ECE1: variants seen among roughly 807,000 people sequenced by gnomAD.
The protein encoded by ECE1 is endothelin-converting enzyme 1.
A neutral mutation model predicts 98.6 loss-of-function variants in ECE1; 35 were observed. That is an observed-to-expected ratio of 0.35 (90% CI 0.27 to 0.47). The LOEUF (loss-of-function observed/expected upper bound fraction) is 0.47, where lower values mean the gene tolerates loss of function less well. ECE1 is among the 20% of genes least tolerant of loss of function. ECE1 has a pLI of 1.00. For synonymous variants in ECE1, 394 were observed against 407.1 expected (o/e 0.97, Z 0.39); for missense variants, 814 against 1,025.3 (o/e 0.79, Z 2.81).
intron 1 of ECE1, among the ~76,000 whole-genome samples, chr1:21,305,982 T>C (rs1638587216): frequency 6.6e-6 from 1 of 152,230 alleles, no homozygotes; most frequent in Admixed American, 6.5e-5. Flanking sequence ...GAGGGCTGGC[T>C]GGGCCCTGAG....
At chr1:21,295,548 T>C (rs1638333163) in intron 1 of ECE1, among the ~76,000 whole-genome samples, 1 of 152,254 alleles carries the variant, frequency 6.6e-6, no homozygotes, top group African/African-American at 2.4e-5. Flanking sequence ...CCTGAAAGTG[T>C]AAACTGCTTC....
At chr1:21,314,944 T>C (rs1239818736) in intron 1 of ECE1, among the ~76,000 whole-genome samples, 2 of 152,222 alleles carry the variant, frequency 1.3e-5, no homozygotes, top group Non-Finnish European at 2.9e-5. Flanking sequence ...AAAACCCAGA[T>C]GAAATGTCAT....
chr1:21,271,722 CA>C (rs1212297866), intron 4 of ECE1, among the ~76,000 whole-genome samples: 1 of 152,076 alleles, frequency 6.6e-6, no homozygotes, highest in Non-Finnish European at 1.5e-5. Context: ...ACTAAGGATA[CA>C]GCTGCAAACA....
chr1:21,303,117 C>T (rs1329832091), intron 1 of ECE1, among the ~76,000 whole-genome samples: 1 of 152,232 alleles, frequency 6.6e-6, no homozygotes, highest in Non-Finnish European at 1.5e-5. Context: ...CTCCCTAAAA[C>T]TGGGCTCCAC....
In ECE1 at chr1:21,238,149, C is replaced by G; in HGVS notation, c.1374G>C (p.Glu458Asp). 1 of 1,614,232 alleles carries G rather than the reference C, an allele frequency of 6.2e-7. No homozygotes were observed. The highest frequency in any genetic ancestry group is 8.5e-7 in the Non-Finnish European group (1 of 1,180,032). Residue 458 changes from glutamate (E) to aspartate (D), a missense_variant, in exon 11 of 19, where the codon GAG (glutamate) becomes GAC (aspartate). Physicochemically the swap from Glu to Asp is conservative, Grantham distance 45 (BLOSUM62 2). Coordinates refer to ENST00000374893, the MANE Select transcript of ECE1 (RefSeq NM_001397.3). ...AGGCACTTACTATGCTCTTGCTGTCCTCGGCGAAGGTTGCTTTGACAAACA... is the reference window on the plus strand; with the variant it reads ...AGGCACTTACTATGCTCTTGCTGTCGTCGGCGAAGGTTGCTTTGACAAACA... ...GPMFVKATFA[E>D]DSKSIATEII...
chr1:21,222,630 T>C (rs1485587474), intron 17 of ECE1, among the ~76,000 whole-genome samples: 1 of 151,792 alleles, frequency 6.6e-6, no homozygotes, highest in Non-Finnish European at 1.5e-5. Context: ...CACCTGAGGT[T>C]AGGAGTTTGA....
In ECE1 at chr1:21,260,470, G is replaced by T; in HGVS notation, c.494-78C>A. 1 of 1,566,106 alleles carries T rather than the reference G, an allele frequency of 6.4e-7. No homozygotes were observed. ...GGCTTTGGGGCAGTCCCTCTTTTCG[G>T]AGCCTTGGTGTTCTCAGCTGCAAAG... On this transcript the variant is annotated intron_variant, in intron 4 of 18. Transcript: ENST00000374893. This position sits in a 1 kb window ranked among gnomAD's most constrained non-coding sequence, Gnocchi z 4.3.
At chr1:21,282,544 C>T (rs1569641967) in intron 2 of ECE1, among the ~76,000 whole-genome samples, 1 of 145,112 alleles carries the variant, frequency 6.9e-6, no homozygotes, top group Non-Finnish European at 1.5e-5. Flanking sequence ...GCAGAGATCA[C>T]GCCACTGCAC....
intron 9 of ECE1, among the ~76,000 whole-genome samples, chr1:21,245,742 T>C (rs2098202533): frequency 6.6e-6 from 1 of 152,154 alleles, no homozygotes. Flanking sequence ...GACGGAGTAC[T>C]ATGCAACCAT....
intron 17 of ECE1, among the ~76,000 whole-genome samples, chr1:21,223,755 T>C (rs2098170330): frequency 6.6e-6 from 1 of 151,702 alleles, no homozygotes; most frequent in African/African-American, 2.4e-5. Flanking sequence ...TGAGCCACCG[T>C]GCCCAGCCAT....
intron 4 of ECE1, among the ~76,000 whole-genome samples, chr1:21,262,839 C>A (rs1383928672): frequency 1.3e-5 from 2 of 152,244 alleles, no homozygotes; most frequent in African/African-American, 4.8e-5. Flanking sequence ...CACCTGGGTG[C>A]CACGCTCACT....
chr1:21,325,028 CAT>C (rs774062907), intron 1 of ECE1, among the ~76,000 whole-genome samples: 131 of 152,214 alleles, frequency 8.6e-4, no homozygotes, highest in Non-Finnish European at 1.5e-3. Flanking sequence ...GGAAAGCACA[CAT>C]GTTTTGTTGT....
At chr1:21,271,044 C>G (rs2103319268) in intron 4 of ECE1, among the ~76,000 whole-genome samples, 1 of 152,312 alleles carries the variant, frequency 6.6e-6, no homozygotes, top group East Asian at 1.9e-4. Context: ...GCTGCATGCC[C>G]TTTCAAAGGC....
chr1:21,323,537 T>A (rs1159978564), intron 1 of ECE1, among the ~76,000 whole-genome samples: 6 of 152,134 alleles, frequency 3.9e-5, no homozygotes, highest in South Asian at 2.1e-4. Context: ...GATGGGAGGA[T>A]CACCTGAGCC....
At position 21,225,752 on chromosome 1, in the gene ECE1, C is replaced by T. The variant is rs1417785424; in HGVS notation, c.1850-312G>A. Among the ~76,000 whole-genome samples the T allele has an allele frequency of 1.3e-5, 2 of 148,846 alleles. No individual in the cohort carries two copies. The highest frequency in any genetic ancestry group is 2.5e-5 in the African/African-American group (1 of 40,316). On this transcript the variant is annotated intron_variant, in intron 16 of 18. Coordinates refer to ENST00000374893, the MANE Select transcript of ECE1 (RefSeq NM_001397.3). The surrounding 1 kb of genome is among the most constrained non-coding windows in gnomAD (Gnocchi z 5.3). ...TGCCACTCAGGCTGGAGTGCAGTGG[C>T]GCAATCTCAGCTCACTGCAACCTTT...
Position 21,290,262 on chromosome 1 carries a change from C to G in ECE1, c.51+102G>C. ...GCGCCGCCGCCGCCGCGCCCCGCCC[C>G]GGCCTGGACACCCGAGACCGAGACC... On this transcript the variant is annotated intron_variant, in intron 1 of 18. Coordinates refer to ENST00000374893, the MANE Select transcript of ECE1 (RefSeq NM_001397.3). This position sits in a 1 kb window ranked among gnomAD's most constrained non-coding sequence, Gnocchi z 7.3. 7.4e-7 allele frequency: 1 copy of G among 1,350,894 alleles called. No homozygotes were observed. Among genetic ancestry groups the G allele is most frequent in the Non-Finnish European group, 9.6e-7 (1 of 1,046,568 alleles). 83.7% of individuals were successfully genotyped at this position (1,350,894 alleles called of 1,614,324 possible).
intron 1 of ECE1, among the ~76,000 whole-genome samples, chr1:21,305,090 T>G (rs1638568316): frequency 6.6e-6 from 1 of 152,206 alleles, no homozygotes. Flanking sequence ...GCTATTTCAA[T>G]CAAATTAATT....
Position 21,302,974 on chromosome 1 carries a change from C to T in ECE1, c.4-12818G>A, listed in dbSNP as rs75064526. Among the ~76,000 whole-genome samples the T allele has an allele frequency of 9.7e-4, 148 of 152,300 alleles. 4 individuals carry two copies. In the East Asian group the frequency reaches 0.027, roughly 27 times the overall value. ...TCTCCAGCTCTCCCCTGCCACCCCC[C>T]GGGCCTGGGCTCTACCCAGCCAGGC... is the stretch of plus-strand genomic sequence containing the variant. On this transcript the variant is annotated intron_variant, in intron 1 of 18. Coordinates refer to the ECE1 transcript ENST00000415912.
intron 1 of ECE1, among the ~76,000 whole-genome samples, chr1:21,323,531 G>A (rs2103404723): frequency 6.6e-6 from 1 of 152,276 alleles, no homozygotes; most frequent in East Asian, 1.9e-4. Context: ...GGCTGAGATG[G>A]GAGGATCACC....
Sources: allele counts gnomAD v4.1 joint callset (sites outside exome capture counted in the v4.1 genomes callset), GRCh38; gene constraint gnomAD v4.1.1; non-coding constraint Gnocchi (gnomAD v3.1); transcripts MANE v1.5; gene names NCBI Gene and HGNC (gene_info 2026-07-23, HGNC 2026-07-21).